Variants in LASP1 observed in about 807,000 individuals in gnomAD.
LASP1 encodes the protein LIM and SH3 protein 1.
A neutral mutation model predicts 38.6 loss-of-function variants in LASP1; 10 were observed. The ratio of observed to expected loss-of-function variants is 0.26; its 90% CI spans 0.16 to 0.44. LASP1 has a LOEUF of 0.44. LASP1 is among the 20% of genes least tolerant of loss of function. LASP1 has a pLI of 1.00. For synonymous variants in LASP1, 132 were observed against 140.8 expected (o/e 0.94, Z 0.44); for missense variants, 243 against 375.7 (o/e 0.65, Z 2.92).
rs879448538 is a variant in LASP1, at chr17:38,892,585, CA to C, written c.249+2082del. On this transcript the variant is annotated intron_variant, in intron 3 of 6. Transcript: ENST00000318008. ...ACACACACACACACACACACACACA[CA>C]CACACCCTTCTCAGGGGAGAAATTC... Among the ~76,000 whole-genome samples the C allele has an allele frequency of 9.8e-3, 1,492 of 151,524 alleles. 13 individuals are homozygous for C. The highest frequency in any genetic ancestry group is 0.013 in the Non-Finnish European group (898 of 67,882).
At position 38,876,690 on chromosome 17, in the gene LASP1, C is replaced by G. The variant is rs532530709; in HGVS notation, c.70-1396C>G. On this transcript the variant is annotated intron_variant, in intron 1 of 6. Coordinates refer to ENST00000318008, the MANE Select transcript of LASP1 (RefSeq NM_006148.4). ...GATCTGTTCTCTTTCTGTCATCACT[C>G]TCTTCCCTCCGTCGGCCACCCTGGA... Among the ~76,000 whole-genome samples the G allele has an allele frequency of 1.1e-3, 173 of 151,168 alleles. 1 individual carries two copies. Among genetic ancestry groups the G allele is most frequent in the Admixed American group, 3.0e-3 (45 of 15,170 alleles).
chr17:38,913,547 C>T (rs1240056929), intron 4 of LASP1, among the ~76,000 whole-genome samples: 1 of 152,204 alleles, frequency 6.6e-6, no homozygotes, highest in Non-Finnish European at 1.5e-5. Context: ...ATGGGGTCTG[C>T]AATCTACCCC....
At chr17:38,884,882 G>A (rs1332180001) in intron 2 of LASP1, among the ~76,000 whole-genome samples, 1 of 151,410 alleles carries the variant, frequency 6.6e-6, no homozygotes, top group South Asian at 2.1e-4. Context: ...GTAGAGACAG[G>A]GTTTTGCCAC....
rs570260627 is a variant in LASP1 at position 38,918,949 on chromosome 17, G to A, written c.*171G>A. On this transcript the variant is annotated 3_prime_UTR_variant, in exon 7 of 7. Transcript: ENST00000318008. This position sits in a 1 kb window ranked among gnomAD's most constrained non-coding sequence, Gnocchi z 4.4. ...TGAAGCCTTCTTCTGCCACTTCTGC[G>A]GGCTCCCTCCTCTGGCAGGCTTCCC... The A allele has an allele frequency of 1.3e-4, 91 of 724,056 alleles. 2 individuals carry two copies. The South Asian group carries it at 1.6e-3, about 12-fold the overall frequency. 44.9% of individuals were successfully genotyped at this position (724,056 alleles called of 1,614,324 possible).
At chr17:38,890,306 C>T (rs763746549) in intron 2 of LASP1, 114 bp from the exon 3 acceptor site, 3 of 914,312 alleles carry the variant, frequency 3.3e-6, no homozygotes, top group Admixed American at 4.0e-5. Context: ...GGGGCCGGGC[C>T]AGGGCGTGCC....
At position 38,917,606 on chromosome 17, in the gene LASP1, G is replaced by T. The variant is rs142414912; in HGVS notation, c.613-999G>T. Among the ~76,000 whole-genome samples, 949 of 152,172 alleles carry T rather than the reference G, an allele frequency of 6.2e-3. 1 individual carries two copies. Among genetic ancestry groups the T allele is most frequent in the Non-Finnish European group, 9.8e-3 (664 of 67,988 alleles). On this transcript the variant is annotated intron_variant, in intron 6 of 6. Coordinates refer to ENST00000318008, the MANE Select transcript of LASP1 (RefSeq NM_006148.4). Reference sequence around the variant, plus strand: ...AGATCTTTGTCCTGAACTTGGACAGGACTCATCATGGCTTCTAAAAGAAAC... The same window carrying T: ...AGATCTTTGTCCTGAACTTGGACAGTACTCATCATGGCTTCTAAAAGAAAC...
In LASP1 at chr17:38,905,380, T is replaced by C. The variant is rs1048916770; in HGVS notation, c.357+6861T>C. Among the ~76,000 whole-genome samples, 48 of 151,254 alleles carry C rather than the reference T, an allele frequency of 3.2e-4. 1 individual carries two copies. The highest frequency in any genetic ancestry group is 1.3e-3 in the Admixed American group (20 of 15,170). On this transcript the variant is annotated intron_variant, in intron 4 of 6. Coordinates refer to ENST00000318008, the MANE Select transcript of LASP1 (RefSeq NM_006148.4). ...CGTCTCAACTAAAAATACAAAAAATTAGCCGGGTGTGGTGGCGCACTCGGT... is the reference window on the plus strand; with the variant it reads ...CGTCTCAACTAAAAATACAAAAAATCAGCCGGGTGTGGTGGCGCACTCGGT...
In LASP1 at chr17:38,875,350, G is replaced by A. The variant is rs145613418; in HGVS notation, c.70-2736G>A. 3.3e-4 allele frequency among the ~76,000 whole-genome samples: 50 copies of A among 151,818 alleles called. No individual in the cohort carries two copies. The East Asian group carries it at 9.5e-3, about 29-fold the overall frequency. On this transcript the variant is annotated intron_variant, in intron 1 of 6. Coordinates refer to ENST00000318008, the MANE Select transcript of LASP1 (RefSeq NM_006148.4). ...TCTTAGTGTCCCTGGTGGGTTCTGT[G>A]TGTTGGGGTATGCACCACTTCAGGG...
intron 4 of LASP1, among the ~76,000 whole-genome samples, chr17:38,913,456 T>C (rs571737623): frequency 4.6e-5 from 7 of 152,342 alleles, no homozygotes; most frequent in East Asian, 3.9e-4. Context: ...CGCCTGTTGA[T>C]GAAGAGCAAG....
In LASP1 at chr17:38,918,547, G is replaced by T; in HGVS notation, c.613-58G>T. 1.3e-6 allele frequency: 2 copies of T among 1,509,842 alleles called. No individual in the cohort carries two copies. Among genetic ancestry groups the T allele is most frequent in the Non-Finnish European group, 1.8e-6 (2 of 1,121,976 alleles). 93.5% of individuals were successfully genotyped at this position (1,509,842 alleles called of 1,614,324 possible). On this transcript the variant is annotated intron_variant, in intron 6 of 6. Transcript: ENST00000318008. This position sits in a 1 kb window ranked among gnomAD's most constrained non-coding sequence, Gnocchi z 4.4. ...GGGTCGTGGAGAGTTAGAAAAAAAT[G>T]CTCAGACCCAGGTGAGCCGGCATGC...
At chr17:38,913,423 A>G (rs1915012174) in intron 4 of LASP1, among the ~76,000 whole-genome samples, 1 of 152,204 alleles carries the variant, frequency 6.6e-6, no homozygotes. Flanking sequence ...TACCCACGAC[A>G]TCTTGCACAC....
chr17:38,896,986 C>T, intron 3 of LASP1: 1 of 985,480 alleles, frequency 1.0e-6, no homozygotes. Flanking sequence ...CCCTACCTTC[C>T]CCGATGCCCG....
chr17:38,910,263 G>T (rs1046343771), intron 4 of LASP1, among the ~76,000 whole-genome samples: 1 of 152,206 alleles, frequency 6.6e-6, no homozygotes, highest in African/African-American at 2.4e-5. Context: ...GGTATCTCAG[G>T]CTTTGTGGCC....
chr17:38,875,029 G>A (rs1315233235), intron 1 of LASP1, among the ~76,000 whole-genome samples: 1 of 150,290 alleles, frequency 6.7e-6, no homozygotes, highest in African/African-American at 2.5e-5. Flanking sequence ...TTGGAGGTCC[G>A]TGGTCCTAGG....
rs1032357744 is a variant in LASP1 at position 38,919,393 on chromosome 17, G to A, written c.*615G>A. Reference sequence around the variant, plus strand: ...TGGGGCGAATTCATCCCCTCCCCGCGCGTTCCTTCGCACACTGTGATTTTG... The same window carrying A: ...TGGGGCGAATTCATCCCCTCCCCGCACGTTCCTTCGCACACTGTGATTTTG... On this transcript the variant is annotated 3_prime_UTR_variant, in exon 7 of 7. Coordinates refer to ENST00000318008, the MANE Select transcript of LASP1 (RefSeq NM_006148.4). The A allele has an allele frequency of 1.7e-5, 4 of 240,482 alleles. No individual in the cohort carries two copies. Among genetic ancestry groups the A allele is most frequent in the Non-Finnish European group, 1.6e-5 (2 of 121,850 alleles). 14.9% of individuals were successfully genotyped at this position (240,482 alleles called of 1,614,324 possible).
At chr17:38,877,157 A>G (rs1433797795) in intron 1 of LASP1, among the ~76,000 whole-genome samples, 2 of 152,208 alleles carry the variant, frequency 1.3e-5, no homozygotes, top group Non-Finnish European at 2.9e-5. Context: ...CTGAGTGCTC[A>G]GAGGTGCCAA....
intron 1 of LASP1, among the ~76,000 whole-genome samples, chr17:38,877,123 C>T (rs995836778): frequency 8.5e-5 from 13 of 152,252 alleles, no homozygotes; most frequent in Non-Finnish European, 2.9e-5. Flanking sequence ...AAGGTTCACA[C>T]CTGCTGTGCC....
chr17:38,904,134 A>G (rs1914715553), intron 4 of LASP1, among the ~76,000 whole-genome samples: 1 of 152,222 alleles, frequency 6.6e-6, no homozygotes, highest in African/African-American at 2.4e-5. Flanking sequence ...CAGGTATACC[A>G]TACATTGTAT....
At chr17:38,878,059 T>C (rs1479217304) in intron 1 of LASP1, 27 bp from the exon 2 acceptor site, 3 of 1,562,440 alleles carry the variant, frequency 1.9e-6, no homozygotes, top group African/African-American at 1.4e-5. Flanking sequence ...TGGTATCTGA[T>C]GTATGTCCTC....
Sources: gnomAD v4.1 joint callset for allele counts (sites outside exome capture counted in the v4.1 genomes callset) on GRCh38, gnomAD v4.1.1 for gene constraint, Gnocchi (gnomAD v3.1) non-coding constraint, MANE v1.5 for transcripts, NCBI Gene and HGNC (gene_info 2026-07-23, HGNC 2026-07-21) for gene names.